The following FBXO34 variants were observed in gnomAD, a reference collection of about 807,000 sequenced individuals.
FBXO34 encodes the protein F-box only protein 34.
In FBXO34, 12 loss-of-function variants were observed where a neutral mutation model predicts 24.5. That is an observed-to-expected ratio of 0.49 (90% CI 0.31 to 0.79). The LOEUF is 0.79. FBXO34 is among the 30% of genes least tolerant of loss of function. The pLI, the probability that FBXO34 is intolerant of heterozygous loss-of-function variation, is 0.04. For synonymous variants in FBXO34, 320 were observed against 311.9 expected (o/e 1.03, Z -0.27); for missense variants, 823 against 857.7 (o/e 0.96, Z 0.51).
intron 1 of FBXO34, among the ~76,000 whole-genome samples, chr14:55,319,065 G>C (rs551036216): frequency 6.6e-6 from 1 of 152,140 alleles, no homozygotes; most frequent in Non-Finnish European, 1.5e-5. Context: ...AGGATATGAA[G>C]GTGGAAATTT....
At chr14:55,341,130 A>G (rs939406640) in intron 1 of FBXO34, among the ~76,000 whole-genome samples, 2 of 152,182 alleles carry the variant, frequency 1.3e-5, no homozygotes, top group African/African-American at 4.8e-5. Context: ...CTCAACTCCA[A>G]ATACATCATG....
At chr14:55,424,516 G>A in the FBXO34 span, among the ~76,000 whole-genome samples, 1 of 152,126 alleles carries the variant, frequency 6.6e-6, no homozygotes, top group Non-Finnish European at 1.5e-5. Flanking sequence ...GTAACTTAGG[G>A]CATCTGATTT....
At chr14:55,367,156 T>A (rs1572611) in exon 3 of FBXO34, 54,831 of 152,192 alleles carry the variant, frequency 0.36, 10,518 homozygotes, top group Non-Finnish European at 0.42. Context: ...GCTTCATCTC[T>A]CATTCATGGT....
At chr14:55,364,106 A>C (rs1326235483), downstream of FBXO34, among the ~76,000 whole-genome samples, 3 of 151,808 alleles carry the variant, frequency 2.0e-5, no homozygotes, top group African/African-American at 7.3e-5. Context: ...ATGTGCCACC[A>C]TGCCTGGCTA....
At chr14:55,394,054 T>A in the FBXO34 span, among the ~76,000 whole-genome samples, 1 of 150,980 alleles carries the variant, frequency 6.6e-6, no homozygotes. Flanking sequence ...TCGCCCAGGC[T>A]GGAGTACAGT....
At chr14:55,435,531 C>T in the FBXO34 span, among the ~76,000 whole-genome samples, 1 of 152,220 alleles carries the variant, frequency 6.6e-6, no homozygotes, top group South Asian at 2.1e-4. Flanking sequence ...GCCTCAGCCT[C>T]CCAAAGTGCT....
the FBXO34 span, among the ~76,000 whole-genome samples, chr14:55,421,072 A>AAAG: frequency 6.6e-6 from 1 of 151,588 alleles, no homozygotes; most frequent in African/African-American, 2.4e-5. Flanking sequence ...AAAAAAAAAA[A>AAAG]AAAAAAGAAA....
At chr14:55,436,232 A>G in the FBXO34 span, among the ~76,000 whole-genome samples, 2 of 152,288 alleles carry the variant, frequency 1.3e-5, no homozygotes, top group Admixed American at 6.5e-5. Flanking sequence ...ATCAAACTCA[A>G]TTTTACATCT....
At chr14:55,304,217 T>C (rs1221496351) in intron 1 of FBXO34, among the ~76,000 whole-genome samples, 2 of 152,202 alleles carry the variant, frequency 1.3e-5, no homozygotes, top group Non-Finnish European at 2.9e-5. Context: ...CAGTAAAAAC[T>C]CTACCATGTA....
the FBXO34 span, among the ~76,000 whole-genome samples, chr14:55,414,916 AAG>A: frequency 6.6e-6 from 1 of 152,240 alleles, no homozygotes; most frequent in Admixed American, 6.5e-5. Context: ...CTAAATTTAA[AAG>A]AGTTTTAAAT....
chr14:55,314,364 G>T (rs77542788), intron 1 of FBXO34, among the ~76,000 whole-genome samples: 1 of 152,218 alleles, frequency 6.6e-6, no homozygotes, highest in Non-Finnish European at 1.5e-5. Flanking sequence ...ACAGACTGTA[G>T]CCTTGCAGGG....
the FBXO34 span, among the ~76,000 whole-genome samples, chr14:55,442,018 C>T: frequency 5.3e-5 from 8 of 151,942 alleles, no homozygotes; most frequent in African/African-American, 1.9e-4. Flanking sequence ...CTGCCTTGGC[C>T]TCCCAAAGTG....
At chr14:55,408,538 G>A in the FBXO34 span, among the ~76,000 whole-genome samples, 2 of 152,280 alleles carry the variant, frequency 1.3e-5, no homozygotes, top group East Asian at 1.9e-4. Context: ...TTGGGAGGCT[G>A]AGGCAGGAGG....
intron 3 of FBXO34, among the ~76,000 whole-genome samples, chr14:55,360,236 C>T (rs573058157): frequency 2.8e-4 from 42 of 152,156 alleles, no homozygotes; most frequent in Admixed American, 6.5e-5. Context: ...CCATGCCTGG[C>T]TAATTTTTGT....
intron 1 of FBXO34, among the ~76,000 whole-genome samples, chr14:55,321,398 C>T (rs533285072): frequency 1.3e-5 from 2 of 151,888 alleles, no homozygotes; most frequent in Admixed American, 6.6e-5. Context: ...ACTGAGACAA[C>T]TTGCAATGTT....
At chr14:55,356,963 G>T (rs1884531558), downstream of FBXO34, among the ~76,000 whole-genome samples, 3 of 152,118 alleles carry the variant, frequency 2.0e-5, no homozygotes, top group South Asian at 6.2e-4. Context: ...GCCCAGGCTG[G>T]GAATCTGATT....
intron 1 of FBXO34, among the ~76,000 whole-genome samples, chr14:55,320,547 C>T (rs943819186): frequency 2.6e-5 from 4 of 152,174 alleles, no homozygotes; most frequent in South Asian, 2.1e-4. Context: ...GTCAGGAGAT[C>T]GAGACCATCC....
At chr14:55,433,549 T>C in the FBXO34 span, 1 of 1,365,674 alleles carries the variant, frequency 7.3e-7, no homozygotes, top group Non-Finnish European at 1.0e-6. Context: ...TACTATGTGC[T>C]TTAGCACATT....
At chr14:55,363,389 A>G (rs1884619840), downstream of FBXO34, among the ~76,000 whole-genome samples, 1 of 151,676 alleles carries the variant, frequency 6.6e-6, no homozygotes, top group African/African-American at 2.4e-5. Flanking sequence ...GTGCAGTGGC[A>G]TGATCTTGGC....
Sources: allele counts gnomAD v4.1 joint callset (sites outside exome capture counted in the v4.1 genomes callset), GRCh38; gene constraint gnomAD v4.1.1; transcripts MANE v1.5; gene names NCBI Gene and HGNC (gene_info 2026-07-23, HGNC 2026-07-21).